Variants in FKBP10 observed in about 807,000 individuals in gnomAD.
FKBP10 encodes peptidyl-prolyl cis-trans isomerase FKBP10.
A neutral mutation model predicts 53.7 loss-of-function variants in FKBP10; 34 were observed. That is an observed-to-expected ratio of 0.63 (90% CI 0.48 to 0.84). The LOEUF is 0.84. Ranked by LOEUF, FKBP10 falls within the 40% of genes least tolerant of loss-of-function variation. FKBP10 has a pLI of 0.00. For synonymous variants in FKBP10, 324 were observed against 335.7 expected, an observed-to-expected ratio of 0.97 and a Z score of 0.38; for missense variants, 748 against 797.8, an observed-to-expected ratio of 0.94 and a Z score of 0.75.
rs137909435 is a variant in FKBP10, at chr17:41,815,437, G to C, written c.246-1621G>C. ...GCCTCCCAAAGTGCTAGAATTACAG[G>C]CGTGAGCCCCCGCGCCCACACAACT... On this transcript the variant is annotated intron_variant, in intron 1 of 9. Coordinates refer to ENST00000321562, the MANE Select transcript of FKBP10 (RefSeq NM_021939.4). Among the ~76,000 whole-genome samples, 25 of 152,086 alleles carry C rather than the reference G, an allele frequency of 1.6e-4. 1 individual carries two copies. The highest frequency in any genetic ancestry group is 6.0e-4 in the African/African-American group (25 of 41,516).
intron 2 of FKBP10, 150 bp from the exon 3 acceptor site, chr17:41,817,939 T>TAAAA: frequency 4.2e-6 from 3 of 707,432 alleles, no homozygotes; most frequent in South Asian, 1.7e-5. Context: ...CCCTATCTCT[T>TAAAA]AAAAAAAAAA....
chr17:41,813,209 GT>G lies in FKBP10; in HGVS notation c.176del (p.Val59GlyfsTer100). 6.2e-7 allele frequency: 1 copy of G among 1,613,620 alleles called. No individual in the cohort carries two copies. On this transcript the variant is annotated frameshift_variant, in exon 1 of 10. Coordinates refer to ENST00000321562, the MANE Select transcript of FKBP10 (RefSeq NM_021939.4). LOFTEE classifies it high-confidence loss of function. Reference protein sequence around the residue: ...YHIPRACPREVQMGDFVRYHY... With the variant: ...YHIPRACPREXQMGDFVRYHY... Reference sequence around the variant, plus strand: ...CATCCCCAGGGCCTGTCCCCGGGAAGTGCAGATGGGGGATTTTGTGCGCTAC... The same window carrying G: ...CATCCCCAGGGCCTGTCCCCGGGAAGGCAGATGGGGGATTTTGTGCGCTAC...
chr17:41,818,651 A>C (rs2047847323), intron 4 of FKBP10, 124 bp downstream of exon 4: 1 of 1,314,676 alleles, frequency 7.6e-7, no homozygotes, highest in Non-Finnish European at 1.1e-6. Flanking sequence ...GGTGGGATGA[A>C]ATCTACCCTT....
chr17:41,818,327 G>A (rs1555616409), intron 3 of FKBP10, 49 bp downstream of exon 3: 2 of 1,613,974 alleles, frequency 1.2e-6, no homozygotes, highest in Non-Finnish European at 1.7e-6. Flanking sequence ...GTGGCATGGG[G>A]AGCGGGAATC....
At position 41,819,576 on chromosome 17, in the gene FKBP10, A is replaced by G. The variant is rs782177446; in HGVS notation, c.964A>G (p.Ile322Val). 1.1e-5 allele frequency: 17 copies of G among 1,613,948 alleles called. No homozygotes were observed. In the East Asian group the frequency reaches 3.6e-4, roughly 34 times the overall value. The change falls in exon 6 of 10, where the codon ATC (isoleucine) becomes GTC (valine). Residue 322 changes from isoleucine (I) to valine (V), a missense_variant. By Grantham distance (29) the Ile-to-Val change is conservative. Coordinates refer to ENST00000321562, the MANE Select transcript of FKBP10 (RefSeq NM_021939.4). ...CAATACCTATATCGGGCAGGGTTACATCATCCCCGGGATGGACCAGGGGCT... is the reference window on the plus strand; with the variant it reads ...CAATACCTATATCGGGCAGGGTTACGTCATCCCCGGGATGGACCAGGGGCT... Reference protein sequence around the residue: ...TYNTYIGQGYIIPGMDQGLQG... With the variant: ...TYNTYIGQGYVIPGMDQGLQG...
chr17:41,817,927 C>A (rs1262101508), intron 2 of FKBP10, among the ~76,000 whole-genome samples, 162 bp from the exon 3 acceptor site: 1 of 151,820 alleles, frequency 6.6e-6, no homozygotes, highest in Non-Finnish European at 1.5e-5. Context: ...CTGTGTCTGG[C>A]CCCCTATCTC....
chr17:41,820,755 G>C (rs1402998801), intron 7 of FKBP10, 192 bp from the exon 8 acceptor site: 3 of 799,500 alleles, frequency 3.8e-6, no homozygotes, highest in Admixed American at 2.9e-5. Context: ...CACACTTTAG[G>C]GGGCAGAGGC....
In FKBP10 at chr17:41,818,077, G is replaced by A. The variant is rs2047837942; in HGVS notation, c.392-12G>A. On this transcript the variant is annotated splice_polypyrimidine_tract_variant and intron_variant, in intron 2 of 9. Coordinates refer to ENST00000321562, the MANE Select transcript of FKBP10 (RefSeq NM_021939.4). The stretch of plus-strand genomic sequence containing the variant: ...AGAACTCTGAGACCTCCACGCTGCT[G>A]CGCTCTCACAGCGGGGCTCATTCCA... The A allele has an allele frequency of 6.3e-7, 1 of 1,594,112 alleles. No individual in the cohort carries two copies.
At chr17:41,818,790 C>A in intron 4 of FKBP10, 2 of 464,946 alleles carry the variant, frequency 4.3e-6, no homozygotes, top group Non-Finnish European at 7.9e-6. Flanking sequence ...CCCGTCTCTA[C>A]TAAAAATACA....
chr17:41,819,953 C>G (rs959606048), intron 6 of FKBP10: 6 of 1,532,418 alleles, frequency 3.9e-6, no homozygotes, highest in Non-Finnish European at 5.3e-6. Context: ...CAGCATACCC[C>G]CAGGACCCAG....
rs372410441 is a variant in FKBP10, at chr17:41,813,293, G to C, written c.245+14G>C. 2 of 1,613,244 alleles carry C rather than the reference G, an allele frequency of 1.2e-6. No homozygotes were observed. The highest frequency in any genetic ancestry group is 2.7e-5 in the African/African-American group (2 of 74,980). On this transcript the variant is annotated intron_variant, in intron 1 of 9. Coordinates refer to ENST00000321562, the MANE Select transcript of FKBP10 (RefSeq NM_021939.4). ...GTTTGATTCAAGGTAACCCCGGTTG[G>C]GCGCCCCCGGATTCACCACTCCGTC...
Position 41,817,334 on chromosome 17 carries a change from AAG to A in FKBP10, c.391+134_391+135del, listed in dbSNP as rs2047829693. 3 of 1,255,976 alleles carry A rather than the reference AAG, an allele frequency of 2.4e-6. No individual in the cohort carries two copies. In the African/African-American group the frequency reaches 4.4e-5, roughly 18 times the overall value. 77.8% of individuals were successfully genotyped at this position (1,255,976 alleles called of 1,614,324 possible). On this transcript the variant is annotated intron_variant, in intron 2 of 9. Transcript: ENST00000321562. Reference sequence around the variant, plus strand: ...AATGTCACACTGTGCACGCAGTATGAAGAGTGGCAGCTCTGGCTGGGGCAGTA... The same window carrying A: ...AATGTCACACTGTGCACGCAGTATGAAGTGGCAGCTCTGGCTGGGGCAGTA...
At position 41,817,179 on chromosome 17, in the gene FKBP10, C is replaced by A; in HGVS notation, c.367C>A (p.Leu123Met). The change falls in exon 2 of 10, where the codon CTG becomes ATG. Residue 123 changes from leucine to methionine, a missense_variant. Coordinates refer to ENST00000321562, the MANE Select transcript of FKBP10 (RefSeq NM_021939.4). ...GCGACGCCTCATTGTGCCTCCCCAC[C>A]TGGGCTATGGGAGCATCGGCCTGGG... ...ERRRLIVPPH[L>M]GYGSIGLAGL... 1 of 1,613,814 alleles carries A rather than the reference C, an allele frequency of 6.2e-7. No homozygotes were observed. Among genetic ancestry groups the A allele is most frequent in the South Asian group, 1.1e-5 (1 of 91,086 alleles).
chr17:41,820,183 A>G lies in FKBP10; in HGVS notation c.1064-86A>G, dbSNP rs1480677092. The stretch of plus-strand genomic sequence containing the variant: ...TGGATCCTCAGGGTCGGGAAGGGGT[A>G]TCAGGTCTGGGGACCTCCATGGAGA... On this transcript the variant is annotated intron_variant, in intron 6 of 9. Transcript: ENST00000321562. 3 of 1,447,130 alleles carry G rather than the reference A, an allele frequency of 2.1e-6. No individual in the cohort carries two copies. The African/African-American group carries it at 4.2e-5, about 20-fold the overall frequency. The allele number at this position is 1,447,130 out of a possible 1,614,324, so 89.6% of individuals were successfully genotyped here. A position where few individuals can be genotyped will look rare whatever the true frequency, so the allele number is the denominator to read the frequency against.
rs2047890858 is a variant in FKBP10, at chr17:41,821,520, C to T, written c.1400-134C>T. ...GTCAGGAATGCCTTCAGGATGGCTC[C>T]TTAAACATCCCATGCCCCACTCTCC... On this transcript the variant is annotated intron_variant, in intron 8 of 9. Transcript: ENST00000321562. The T allele has an allele frequency of 1.1e-5, 12 of 1,140,418 alleles. No individual in the cohort carries two copies. The South Asian group carries it at 1.9e-4, about 18-fold the overall frequency. The allele number at this position is 1,140,418 out of a possible 1,614,324, so 70.6% of individuals were successfully genotyped here.
In FKBP10 at chr17:41,821,910, A is replaced by G. The variant is rs1238008305; in HGVS notation, c.1563+93A>G. Reference sequence around the variant, plus strand: ...AAGACGTCCCCCGTCCGGACTGCCCACCCGCCCTGGTGCTCCTGCCTGCGC... The same window carrying G: ...AAGACGTCCCCCGTCCGGACTGCCCGCCCGCCCTGGTGCTCCTGCCTGCGC... On this transcript the variant is annotated intron_variant, in intron 9 of 9. Coordinates refer to ENST00000321562, the MANE Select transcript of FKBP10 (RefSeq NM_021939.4). The G allele has an allele frequency of 1.7e-5, 26 of 1,506,296 alleles. No homozygotes were observed. In the East Asian group the frequency reaches 6.0e-4, roughly 35 times the overall value. 93.3% of individuals were successfully genotyped at this position (1,506,296 alleles called of 1,614,324 possible).
chr17:41,818,176 C>A lies in FKBP10; in HGVS notation c.479C>A (p.Thr160Lys). ...WNKEDTVQVS[T>K]LLRPPHCPRM... is the part of the protein sequence containing the mutation. ...AAGGAAGACACCGTGCAGGTGAGCA[C>A]ATTGCTGCGCCCGCCCCACTGCCCC... The change falls in exon 3 of 10, where the codon ACA (threonine) becomes AAA (lysine). Residue 160 changes from threonine (T) to lysine (K), a missense_variant. Coordinates refer to ENST00000321562, the MANE Select transcript of FKBP10 (RefSeq NM_021939.4). 1 of 1,613,754 alleles carries A rather than the reference C, an allele frequency of 6.2e-7. No individual in the cohort carries two copies. Among genetic ancestry groups the A allele is most frequent in the Non-Finnish European group, 8.5e-7 (1 of 1,179,978 alleles).
At chr17:41,813,869 G>A (rs2144044150) in intron 1 of FKBP10, among the ~76,000 whole-genome samples, 1 of 150,568 alleles carries the variant, frequency 6.6e-6, no homozygotes, top group East Asian at 1.9e-4. Flanking sequence ...CTGTCTACGT[G>A]TCACACAGTC....
rs782653042 is a variant in FKBP10 at position 41,818,104 on chromosome 17, C to T, written c.407C>T (p.Pro136Leu). 1.8e-5 allele frequency: 29 copies of T among 1,611,114 alleles called. No homozygotes were observed. The highest frequency in any genetic ancestry group is 1.6e-4 in the Middle Eastern group (1 of 6,082). ...GSIGLAGLIPPDATLYFDVVL... is the reference protein window; with the variant it reads ...GSIGLAGLIPLDATLYFDVVL... Reference sequence around the variant, plus strand: ...GCTCTCACAGCGGGGCTCATTCCACCGGATGCCACCCTCTACTTCGATGTG... The same window carrying T: ...GCTCTCACAGCGGGGCTCATTCCACTGGATGCCACCCTCTACTTCGATGTG... Residue 136 changes from proline to leucine, a missense_variant, in exon 3 of 10, where the codon CCG becomes CTG. Physicochemically the swap from Pro to Leu is moderately conservative, Grantham distance 98. Transcript: ENST00000321562.
Sources: allele counts gnomAD v4.1 joint callset (sites outside exome capture counted in the v4.1 genomes callset), GRCh38; gene constraint gnomAD v4.1.1; transcripts MANE v1.5; gene names NCBI Gene and HGNC (gene_info 2026-07-23, HGNC 2026-07-21).